Variants in CDH13 observed in about 807,000 individuals in gnomAD.
CDH13 encodes the protein cadherin 13.
Under a neutral mutation model 63.8 loss-of-function variants are expected in CDH13, and 24 were observed. That is an observed-to-expected ratio of 0.38 (90% CI 0.27 to 0.53). The LOEUF (loss-of-function observed/expected upper bound fraction) is 0.53, where lower values mean the gene tolerates loss of function less well. CDH13 is among the 20% of genes least tolerant of loss of function. The pLI is 0.85. For missense variants in CDH13, 1,049 were observed against 903.1 expected (o/e 1.16, Z -2.07); for synonymous variants, 503 against 355.3 (o/e 1.42, Z -4.67).
chr16:83,551,797 G>A (rs549028890), intron 7 of CDH13, among the ~76,000 whole-genome samples: 4 of 152,202 alleles, frequency 2.6e-5, no homozygotes, highest in African/African-American at 9.6e-5. Flanking sequence ...TCACCTGCTG[G>A]CCTATGAAGG....
intron 5 of CDH13, among the ~76,000 whole-genome samples, chr16:83,334,575 T>A (rs1459750420): frequency 6.6e-6 from 1 of 151,358 alleles, no homozygotes; most frequent in African/African-American, 2.4e-5. Context: ...GCAGTCTCTC[T>A]ACATTGCTCA....
rs372068753 is a variant in CDH13 at position 82,976,856 on chromosome 16, C to T, written c.158-55154C>T. On this transcript the variant is annotated intron_variant, in intron 2 of 13. Coordinates refer to ENST00000567109, the MANE Select transcript of CDH13 (RefSeq NM_001257.5). ...GAGTTGGCATTTCTGTTGCTCAGGC[C>T]GGGCTGCATTTGGTGAGTTGCGGGA... 4.1e-4 allele frequency among the ~76,000 whole-genome samples: 62 copies of T among 152,210 alleles called. 1 individual carries two copies. The highest frequency in any genetic ancestry group is 2.9e-3 in the East Asian group (15 of 5,182).
chr16:83,787,519 A>G (rs1915964557), intron 13 of CDH13, among the ~76,000 whole-genome samples: 1 of 152,178 alleles, frequency 6.6e-6, no homozygotes, highest in Non-Finnish European at 1.5e-5. Context: ...GACACATTCG[A>G]ATCATTTACT....
intron 3 of CDH13, among the ~76,000 whole-genome samples, chr16:83,123,386 T>A (rs146806416): frequency 0.031 from 4,717 of 152,208 alleles, 95 homozygotes; most frequent in Non-Finnish European, 0.041. Context: ...TTCAAGTGAT[T>A]CTCCTGCCTC....
At chr16:83,473,063 A>G (rs996312763) in intron 6 of CDH13, among the ~76,000 whole-genome samples, 24 of 152,188 alleles carry the variant, frequency 1.6e-4, no homozygotes, top group Admixed American at 6.5e-5. Context: ...ACAGTCCAGA[A>G]GGCCCCCTCT....
At chr16:82,806,482 GCT>G (rs1179647043) in intron 1 of CDH13, among the ~76,000 whole-genome samples, 8 of 152,130 alleles carry the variant, frequency 5.3e-5, no homozygotes, top group Non-Finnish European at 1.0e-4. Flanking sequence ...TTATTCTTGA[GCT>G]CTCTGTTTTT....
chr16:83,316,309 C>A (rs1367534122), intron 5 of CDH13, among the ~76,000 whole-genome samples: 1 of 152,182 alleles, frequency 6.6e-6, no homozygotes, highest in African/African-American at 2.4e-5. Flanking sequence ...CACACATACA[C>A]ACACATACTG....
chr16:82,863,181 A>G (rs139177644), intron 2 of CDH13, among the ~76,000 whole-genome samples: 1 of 152,200 alleles, frequency 6.6e-6, no homozygotes, highest in Non-Finnish European at 1.5e-5. Context: ...ATGGACCACA[A>G]AGGAGCCAGC....
At chr16:83,166,660 A>G (rs892482409) in intron 4 of CDH13, among the ~76,000 whole-genome samples, 2 of 152,190 alleles carry the variant, frequency 1.3e-5, no homozygotes, top group African/African-American at 2.4e-5. Context: ...TAATATATTC[A>G]GGCATGGTTA....
In CDH13 at chr16:83,680,689, A is replaced by G. The variant is rs1915332570; in HGVS notation, c.1538+2228A>G. Among the ~76,000 whole-genome samples, 4 of 152,286 alleles carry G rather than the reference A, an allele frequency of 2.6e-5. No individual in the cohort carries two copies. The South Asian group carries it at 6.2e-4, about 24-fold the overall frequency. On this transcript the variant is annotated intron_variant, in intron 10 of 13. Transcript: ENST00000567109. Reference sequence around the variant, plus strand: ...CCTGTGGGGAGAAGCTGGAACGCAGAAAGTTCTGAGGATCTTCCTGTTTCT... The same window carrying G: ...CCTGTGGGGAGAAGCTGGAACGCAGGAAGTTCTGAGGATCTTCCTGTTTCT...
At chr16:82,633,311 C>T (rs1002946123) in intron 1 of CDH13, among the ~76,000 whole-genome samples, 5 of 152,348 alleles carry the variant, frequency 3.3e-5, no homozygotes, top group African/African-American at 1.2e-4. Flanking sequence ...TTGCCAAGGC[C>T]TCCGGGAACA....
intron 7 of CDH13, among the ~76,000 whole-genome samples, chr16:83,547,977 C>T (rs2075419477): frequency 6.6e-6 from 1 of 152,122 alleles, no homozygotes; most frequent in Non-Finnish European, 1.5e-5. Context: ...AGGAATCTTC[C>T]TTGGTATCTG....
intron 3 of CDH13, among the ~76,000 whole-genome samples, chr16:83,093,033 C>G (rs2033995610): frequency 6.6e-6 from 1 of 152,074 alleles, no homozygotes; most frequent in African/African-American, 2.4e-5. Context: ...TTATAAAATA[C>G]CTTATTTTTC....
intron 3 of CDH13, among the ~76,000 whole-genome samples, chr16:83,106,294 C>G (rs1037229976): frequency 1.3e-5 from 2 of 152,126 alleles, no homozygotes; most frequent in African/African-American, 4.8e-5. Flanking sequence ...AATCCCAGCA[C>G]TTTGGGAGGC....
chr16:83,301,596 G>C (rs1010793518), intron 5 of CDH13, among the ~76,000 whole-genome samples: 6 of 152,134 alleles, frequency 3.9e-5, no homozygotes, highest in Non-Finnish European at 8.8e-5. Context: ...TATCTTCTCG[G>C]ATGTAAGAGA....
At chr16:82,682,683 G>A (rs1278275864) in intron 1 of CDH13, among the ~76,000 whole-genome samples, 3 of 152,198 alleles carry the variant, frequency 2.0e-5, no homozygotes, top group Admixed American at 1.3e-4. Flanking sequence ...GAGCAAGGTT[G>A]TATTCTTGGA....
intron 4 of CDH13, among the ~76,000 whole-genome samples, chr16:83,190,995 C>G (rs1406303630): frequency 6.6e-6 from 1 of 151,686 alleles, no homozygotes; most frequent in Non-Finnish European, 1.5e-5. Flanking sequence ...TGGGAATGTT[C>G]TTATTTGGTT....
At position 83,779,948 on chromosome 16, in the gene CDH13, A is replaced by G; in HGVS notation, c.1682-20A>G. ...TCGCATATACCAGTTGCATACCAAC[A>G]TCTTCCCTTTTTCCCACAGGCAACC... On this transcript the variant is annotated intron_variant, in intron 11 of 13. Coordinates refer to ENST00000567109, the MANE Select transcript of CDH13 (RefSeq NM_001257.5). 6.4e-7 allele frequency: 1 copy of G among 1,571,364 alleles called. No homozygotes were observed. Among genetic ancestry groups the G allele is most frequent in the Non-Finnish European group, 8.7e-7 (1 of 1,143,112 alleles).
At chr16:83,454,044 A>G (rs183975771) in intron 6 of CDH13, among the ~76,000 whole-genome samples, 126 of 152,332 alleles carry the variant, frequency 8.3e-4, no homozygotes, top group African/African-American at 3.0e-3. Flanking sequence ...TCTAAGGGGC[A>G]TGGGTGTTTC....
Sources: allele counts gnomAD v4.1 joint callset (sites outside exome capture counted in the v4.1 genomes callset), GRCh38; gene constraint gnomAD v4.1.1; transcripts MANE v1.5; gene names NCBI Gene and HGNC (gene_info 2026-07-23, HGNC 2026-07-21).